Variants in AKAP6 observed in about 807,000 individuals in gnomAD.
AKAP6 encodes the protein A-kinase anchoring protein 6, also known as A-kinase anchor protein 6.
Under a neutral mutation model 188.5 loss-of-function variants are expected in AKAP6, and 58 were observed. The observed-to-expected ratio is 0.31, with a 90% confidence interval of 0.25 to 0.38. The LOEUF is 0.38. Ranked by LOEUF, AKAP6 falls within the 10% of genes least tolerant of loss-of-function variation. The pLI is 1.00. For synonymous variants in AKAP6, 989 were observed against 998.6 expected (o/e 0.99, Z 0.18); for missense variants, 2,710 against 2,740.0 (o/e 0.99, Z 0.24).
intron 1 of AKAP6, among the ~76,000 whole-genome samples, chr14:32,425,262 TCA>T (rs1456897137): frequency 6.6e-6 from 1 of 152,188 alleles, no homozygotes. Flanking sequence ...GAGCTTTTTT[TCA>T]TATGATTGTT....
intron 1 of AKAP6, among the ~76,000 whole-genome samples, chr14:32,349,733 T>G (rs1887198872): frequency 1.3e-5 from 2 of 152,294 alleles, no homozygotes; most frequent in African/African-American, 4.8e-5. Context: ...AGGAACACAT[T>G]AATGCCCAGA....
At chr14:32,713,083 A>G (rs2029983549) in intron 9 of AKAP6, among the ~76,000 whole-genome samples, 1 of 152,100 alleles carries the variant, frequency 6.6e-6, no homozygotes, top group Non-Finnish European at 1.5e-5. Flanking sequence ...AATAGGCATG[A>G]AAACAGTAGT....
intron 12 of AKAP6, among the ~76,000 whole-genome samples, chr14:32,786,310 T>TTGTTTTTTTTTTTG (rs1566710302): frequency 1.0e-5 from 1 of 95,256 alleles, no homozygotes; most frequent in Non-Finnish European, 2.3e-5. Context: ...TTTTTTTTTT[T>TTGTTTTTTTTTTTG]TTTTTTTTTT....
intron 11 of AKAP6, among the ~76,000 whole-genome samples, chr14:32,763,041 A>C (rs1291366425): frequency 6.6e-6 from 1 of 152,132 alleles, no homozygotes; most frequent in Non-Finnish European, 1.5e-5. Context: ...GTTTGAATCT[A>C]GACTTATAAT....
chr14:32,453,645 G>A (rs1891019584), intron 2 of AKAP6, among the ~76,000 whole-genome samples: 1 of 124,230 alleles, frequency 8.0e-6, no homozygotes, highest in African/African-American at 3.1e-5. Flanking sequence ...CGCCCAGGCG[G>A]GAGTGCAGTG....
At chr14:32,424,866 G>A (rs1594600266) in intron 1 of AKAP6, among the ~76,000 whole-genome samples, 1 of 152,132 alleles carries the variant, frequency 6.6e-6, no homozygotes, top group Non-Finnish European at 1.5e-5. Context: ...GTACTCCATG[G>A]TATATATGTA....
At chr14:32,663,947 C>T (rs776360305) in intron 7 of AKAP6, among the ~76,000 whole-genome samples, 1 of 151,942 alleles carries the variant, frequency 6.6e-6, no homozygotes, top group African/African-American at 2.4e-5. Context: ...CTGCTTTGGA[C>T]AATATCAATG....
chr14:32,404,648 G>T (rs1315218689), intron 1 of AKAP6, among the ~76,000 whole-genome samples: 4 of 120,438 alleles, frequency 3.3e-5, no homozygotes, highest in African/African-American at 1.2e-4. Context: ...TGATGTCTAG[G>T]ATAATGAAGA....
intron 12 of AKAP6, among the ~76,000 whole-genome samples, chr14:32,801,774 G>C (rs1003631968): frequency 2.0e-5 from 3 of 152,098 alleles, no homozygotes; most frequent in African/African-American, 7.2e-5. Flanking sequence ...TTGTGGATTT[G>C]GAATTATAGT....
intron 7 of AKAP6, among the ~76,000 whole-genome samples, chr14:32,628,814 G>A (rs572331037): frequency 6.6e-6 from 1 of 151,866 alleles, no homozygotes; most frequent in East Asian, 1.9e-4. Flanking sequence ...AAACACATCT[G>A]TGTGTTGCTG....
chr14:32,353,317 C>T (rs1333522696), intron 1 of AKAP6, among the ~76,000 whole-genome samples: 1 of 152,204 alleles, frequency 6.6e-6, no homozygotes, highest in Non-Finnish European at 1.5e-5. Flanking sequence ...AATCCCAGCA[C>T]TTTGGGAAGC....
At position 32,834,383 on chromosome 14, in the gene AKAP6, T is replaced by G. The variant is rs12885124; in HGVS notation, c.*4578T>G. The G allele has an allele frequency of 0.39, 58,390 of 151,320 alleles. 12,459 individuals carry two copies. The highest frequency in any genetic ancestry group is 0.48 in the Non-Finnish European group (32,790 of 67,842). The allele number at this position is 151,320 out of a possible 1,614,324, so 9.4% of individuals were successfully genotyped here. A position where few individuals can be genotyped will look rare whatever the true frequency, so the allele number is the denominator to read the frequency against. Reference sequence around the variant, plus strand: ...CCTGGGCAAGAAGAGTGAAATTTTGTCTCAAAAAAAAAAATGTAATATTAA... The same window carrying G: ...CCTGGGCAAGAAGAGTGAAATTTTGGCTCAAAAAAAAAAATGTAATATTAA... On this transcript the variant is annotated 3_prime_UTR_variant, in exon 14 of 14. Coordinates refer to ENST00000280979, the MANE Select transcript of AKAP6 (RefSeq NM_004274.5).
Position 32,732,352 on chromosome 14 carries a change from C to G in AKAP6, c.3001-102C>G, listed in dbSNP as rs2031214694. ...GCCTCCCCATAAATTTTATTGGGAA[C>G]AAAAACTTTTAATGCTCGTAAGCAT... On this transcript the variant is annotated intron_variant, in intron 9 of 13. Coordinates refer to ENST00000280979, the MANE Select transcript of AKAP6 (RefSeq NM_004274.5). The G allele has an allele frequency of 1.3e-5, 18 of 1,370,486 alleles. No individual in the cohort carries two copies. In the South Asian group the frequency reaches 2.3e-4, roughly 18 times the overall value. 84.9% of individuals were successfully genotyped at this position (1,370,486 alleles called of 1,614,324 possible). A position where few individuals can be genotyped will look rare whatever the true frequency, so the allele number is the denominator to read the frequency against.
intron 9 of AKAP6, among the ~76,000 whole-genome samples, chr14:32,702,935 A>G (rs757494394): frequency 2.6e-5 from 4 of 152,188 alleles, no homozygotes; most frequent in Non-Finnish European, 5.9e-5. Context: ...TCAGGACTCA[A>G]TGACATGTTT....
intron 7 of AKAP6, among the ~76,000 whole-genome samples, chr14:32,616,766 G>A (rs1886599301): frequency 6.6e-6 from 1 of 152,030 alleles, no homozygotes; most frequent in Admixed American, 6.6e-5. Flanking sequence ...AAAAAAATTA[G>A]CCTCTTTTTT....
At chr14:32,809,910 G>A (rs899142456) in intron 12 of AKAP6, among the ~76,000 whole-genome samples, 1 of 152,122 alleles carries the variant, frequency 6.6e-6, no homozygotes, top group African/African-American at 2.4e-5. Context: ...AGGTCACCTG[G>A]TATTTTATTT....
chr14:32,350,378 G>A (rs917019528), intron 1 of AKAP6, among the ~76,000 whole-genome samples: 4 of 152,084 alleles, frequency 2.6e-5, no homozygotes, highest in African/African-American at 4.8e-5. Flanking sequence ...CAGATAAACC[G>A]AGACTGGGGA....
chr14:32,430,060 G>A (rs974225687), intron 1 of AKAP6, among the ~76,000 whole-genome samples: 2 of 152,128 alleles, frequency 1.3e-5, no homozygotes, highest in African/African-American at 2.4e-5. Context: ...CTTACAAAAC[G>A]CTGTTTTCAT....
At chr14:32,367,754 G>A (rs1170137114) in intron 1 of AKAP6, among the ~76,000 whole-genome samples, 2 of 152,170 alleles carry the variant, frequency 1.3e-5, no homozygotes, top group African/African-American at 4.8e-5. Context: ...CCAGCTCAGT[G>A]AGGTATGCAC....
Sources: allele counts gnomAD v4.1 joint callset (sites outside exome capture counted in the v4.1 genomes callset), GRCh38; gene constraint gnomAD v4.1.1; transcripts MANE v1.5; gene names NCBI Gene and HGNC (gene_info 2026-07-23, HGNC 2026-07-21).